Variants in MAGI2 observed in about 807,000 individuals in gnomAD.
MAGI2 encodes the protein membrane associated guanylate kinase, WW and PDZ domain containing 2.
A neutral mutation model predicts 133.3 loss-of-function variants in MAGI2; 35 were observed. The observed-to-expected ratio is 0.26, with a 90% CI of 0.20 to 0.35. The LOEUF is 0.35. Among genes scored for constraint, MAGI2 ranks in the 10% least tolerant of loss-of-function variants. The pLI, the probability that MAGI2 is intolerant of heterozygous loss-of-function variation, is 1.00. For missense variants in MAGI2, 1,636 were observed against 1,863.4 expected, an observed-to-expected ratio of 0.88 and a Z score of 2.25; for synonymous variants, 729 against 710.6, an observed-to-expected ratio of 1.03 and a Z score of -0.41.
At chr7:79,086,412 G>A (rs905678121) in intron 1 of MAGI2, among the ~76,000 whole-genome samples, 8 of 151,790 alleles carry the variant, frequency 5.3e-5, no homozygotes, top group Admixed American at 1.3e-4. Flanking sequence ...AGCATATCAT[G>A]CAGATCTCAG....
chr7:79,408,617 T>C (rs1845960560), intron 1 of MAGI2, among the ~76,000 whole-genome samples: 1 of 152,066 alleles, frequency 6.6e-6, no homozygotes, highest in Non-Finnish European at 1.5e-5. Context: ...ATCAAAAGTA[T>C]GAAACTAGTT....
chr7:78,637,806 A>T (rs1809838305), intron 2 of MAGI2, among the ~76,000 whole-genome samples: 2 of 152,214 alleles, frequency 1.3e-5, no homozygotes, highest in African/African-American at 4.8e-5. Context: ...AATATCATTT[A>T]AAACTTGAAC....
chr7:78,551,185 T>G (rs565406875), intron 3 of MAGI2, among the ~76,000 whole-genome samples: 1 of 152,332 alleles, frequency 6.6e-6, no homozygotes, highest in African/African-American at 2.4e-5. Context: ...TATCATTGAC[T>G]TAGCCAAATC....
At chr7:78,576,482 C>G (rs1489698706) in intron 3 of MAGI2, among the ~76,000 whole-genome samples, 1 of 152,162 alleles carries the variant, frequency 6.6e-6, no homozygotes, top group East Asian at 1.9e-4. Context: ...CAGAATTCCT[C>G]TCTTCCAAGG....
intron 2 of MAGI2, among the ~76,000 whole-genome samples, chr7:78,689,964 T>C (rs998232018): frequency 2.0e-5 from 3 of 152,114 alleles, no homozygotes; most frequent in South Asian, 2.1e-4. Flanking sequence ...TTTTTAATAA[T>C]TGAAAAGCCA....
intron 9 of MAGI2, among the ~76,000 whole-genome samples, chr7:78,271,815 T>A (rs1355526784): frequency 6.6e-6 from 1 of 152,228 alleles, no homozygotes; most frequent in Non-Finnish European, 1.5e-5. Context: ...TTATCATTTT[T>A]TATTGAGTCT....
intron 1 of MAGI2, among the ~76,000 whole-genome samples, chr7:79,225,328 A>G (rs1830759079): frequency 6.6e-6 from 1 of 152,220 alleles, no homozygotes. Flanking sequence ...TGTACACCTT[A>G]AAGTTATGTT....
At chr7:78,155,931 G>C (rs919627627) in intron 16 of MAGI2, among the ~76,000 whole-genome samples, 1 of 152,288 alleles carries the variant, frequency 6.6e-6, no homozygotes. Flanking sequence ...CATCACCTGT[G>C]CTTGGCAAAG....
chr7:78,650,003 G>T (rs1034118030), intron 2 of MAGI2, among the ~76,000 whole-genome samples: 1 of 152,204 alleles, frequency 6.6e-6, no homozygotes, highest in Non-Finnish European at 1.5e-5. Flanking sequence ...GCCTGAGATT[G>T]TGAGTGTCTA....
At chr7:78,867,628 A>AC (rs781730301) in intron 2 of MAGI2, among the ~76,000 whole-genome samples, 1 of 151,566 alleles carries the variant, frequency 6.6e-6, no homozygotes, top group Non-Finnish European at 1.5e-5. Flanking sequence ...CCAGCATGGC[A>AC]ATGTATACAT....
At chr7:79,429,970 C>G (rs551496793) in intron 1 of MAGI2, among the ~76,000 whole-genome samples, 1 of 151,726 alleles carries the variant, frequency 6.6e-6, no homozygotes, top group Non-Finnish European at 1.5e-5. Flanking sequence ...TGGTGCTAAT[C>G]GATGAAAAAT....
At chr7:79,210,089 C>G (rs903754958) in intron 1 of MAGI2, among the ~76,000 whole-genome samples, 1 of 151,946 alleles carries the variant, frequency 6.6e-6, no homozygotes, top group Non-Finnish European at 1.5e-5. Flanking sequence ...ATTTATATAT[C>G]TTTCTCTTTT....
At chr7:79,097,805 A>G (rs962557778) in intron 1 of MAGI2, among the ~76,000 whole-genome samples, 14 of 152,314 alleles carry the variant, frequency 9.2e-5, no homozygotes, top group African/African-American at 3.1e-4. Flanking sequence ...TTACATGACC[A>G]CTTTCAGAAA....
chr7:79,092,587 T>A (rs1817161035), intron 1 of MAGI2, among the ~76,000 whole-genome samples: 2 of 152,202 alleles, frequency 1.3e-5, no homozygotes, highest in South Asian at 4.1e-4. Flanking sequence ...TTAACTTCCA[T>A]ATACAATTTA....
intron 1 of MAGI2, among the ~76,000 whole-genome samples, chr7:79,224,546 C>T (rs1319311554): frequency 6.6e-6 from 1 of 151,990 alleles, no homozygotes; most frequent in African/African-American, 2.4e-5. Context: ...TATTAATAAT[C>T]TAAGAAACTG....
At chr7:79,205,400 C>G (rs1202569758) in intron 1 of MAGI2, among the ~76,000 whole-genome samples, 3 of 151,846 alleles carry the variant, frequency 2.0e-5, no homozygotes, top group Admixed American at 6.6e-5. Context: ...AACAGTCCAT[C>G]AGAAATGAAG....
At chr7:79,292,854 T>C (rs903543004) in intron 1 of MAGI2, among the ~76,000 whole-genome samples, 2 of 143,992 alleles carry the variant, frequency 1.4e-5, no homozygotes, top group Non-Finnish European at 3.0e-5. Context: ...TGAGAATCAA[T>C]TTAGGGAATA....
At chr7:79,120,755 G>A (rs1454246372) in intron 1 of MAGI2, among the ~76,000 whole-genome samples, 1 of 151,968 alleles carries the variant, frequency 6.6e-6, no homozygotes, top group Non-Finnish European at 1.5e-5. Context: ...TTAAATACTA[G>A]GGTTCTATAT....
chr7:78,804,517 G>C (rs1374362657), intron 2 of MAGI2, among the ~76,000 whole-genome samples: 1 of 151,368 alleles, frequency 6.6e-6, no homozygotes, highest in Non-Finnish European at 1.5e-5. Flanking sequence ...GGGAGGCCGA[G>C]GCAGGCGGAT....
Sources: gnomAD v4.1 joint callset for allele counts (sites outside exome capture counted in the v4.1 genomes callset) on GRCh38, gnomAD v4.1.1 for gene constraint, MANE v1.5 for transcripts, NCBI Gene and HGNC (gene_info 2026-07-23, HGNC 2026-07-21) for gene names.